Variants in NOS1AP observed in about 807,000 individuals in gnomAD.
The protein encoded by NOS1AP is nitric oxide synthase 1 adaptor protein.
A neutral mutation model predicts 56.2 loss-of-function variants in NOS1AP; 21 were observed. The ratio of observed to expected loss-of-function variants is 0.37; its 90% CI spans 0.26 to 0.54. The LOEUF (loss-of-function observed/expected upper bound fraction) is 0.54, where lower values mean the gene tolerates loss of function less well. Among genes scored for constraint, NOS1AP ranks in the 20% least tolerant of loss-of-function variants. The pLI, the probability that NOS1AP is intolerant of heterozygous loss-of-function variation, is 0.84. For synonymous variants in NOS1AP, 270 were observed against 274.6 expected (o/e 0.98, Z 0.17); for missense variants, 522 against 657.8 (o/e 0.79, Z 2.26).
At chr1:162,137,902 T>C (rs1360719604) in intron 1 of NOS1AP, among the ~76,000 whole-genome samples, 2 of 152,006 alleles carry the variant, frequency 1.3e-5, no homozygotes, top group Non-Finnish European at 2.9e-5. Context: ...AAGCAAGCGG[T>C]GATTGGCTTG....
chr1:162,186,326 T>C (rs977670929), intron 2 of NOS1AP, among the ~76,000 whole-genome samples: 2 of 152,044 alleles, frequency 1.3e-5, no homozygotes, highest in African/African-American at 4.8e-5. Flanking sequence ...TGTTAAACAG[T>C]AATTTCTGTT....
At chr1:162,123,211 A>C (rs1392701429) in intron 1 of NOS1AP, among the ~76,000 whole-genome samples, 1 of 152,224 alleles carries the variant, frequency 6.6e-6, no homozygotes, top group African/African-American at 2.4e-5. Context: ...CAAAGCTACT[A>C]ACATAGTATA....
intron 2 of NOS1AP, among the ~76,000 whole-genome samples, chr1:162,269,117 A>G (rs531119372): frequency 1.3e-5 from 2 of 152,328 alleles, no homozygotes; most frequent in South Asian, 4.1e-4. Context: ...TAGCTGTGCT[A>G]TTGCATTTCT....
intron 2 of NOS1AP, among the ~76,000 whole-genome samples, chr1:162,171,156 G>A (rs1650761247): frequency 6.6e-6 from 1 of 152,108 alleles, no homozygotes; most frequent in African/African-American, 2.4e-5. Flanking sequence ...TACTCCAAGT[G>A]TGACTCAAGG....
intron 2 of NOS1AP, among the ~76,000 whole-genome samples, chr1:162,225,225 G>A (rs764389074): frequency 6.6e-6 from 1 of 152,134 alleles, no homozygotes; most frequent in Non-Finnish European, 1.5e-5. Flanking sequence ...ACGAGTTTTG[G>A]GTAGCTCTCA....
Position 162,359,719 on chromosome 1 carries a change from C to CG in NOS1AP, c.939+2592dup, listed in dbSNP as rs5778269. On this transcript the variant is annotated intron_variant, in intron 8 of 9. Transcript: ENST00000361897. Reference sequence around the variant, plus strand: ...GTATAGCAAGCTTGGTTTCTCTACGCGGGGGGGGGCTGATTTCAGTTTCCA... The same window carrying CG: ...GTATAGCAAGCTTGGTTTCTCTACGCGGGGGGGGGGCTGATTTCAGTTTCCA... Among the ~76,000 whole-genome samples, 819 of 149,090 alleles carry CG rather than the reference C, an allele frequency of 5.5e-3. 5 individuals carry two copies. Among genetic ancestry groups the CG allele is most frequent in the Middle Eastern group, 0.017 (5 of 292 alleles).
At chr1:162,170,874 G>A (rs950346135) in intron 2 of NOS1AP, among the ~76,000 whole-genome samples, 4 of 151,432 alleles carry the variant, frequency 2.6e-5, no homozygotes, top group African/African-American at 4.9e-5. Context: ...GGGAGGCGGA[G>A]GTTGCAGTGA....
intron 2 of NOS1AP, among the ~76,000 whole-genome samples, chr1:162,191,870 A>G (rs957737017): frequency 1.3e-5 from 2 of 152,220 alleles, no homozygotes; most frequent in African/African-American, 2.4e-5. Flanking sequence ...AGAATTAGAT[A>G]ATAAATGCCA....
chr1:162,090,490 A>G (rs1054737411), intron 1 of NOS1AP, among the ~76,000 whole-genome samples: 20 of 152,144 alleles, frequency 1.3e-4, no homozygotes, highest in African/African-American at 4.8e-4. Context: ...TTTCCAGGAA[A>G]GTTTTCACAG....
At chr1:162,309,748 T>C (rs1655963783) in intron 4 of NOS1AP, among the ~76,000 whole-genome samples, 1 of 152,182 alleles carries the variant, frequency 6.6e-6, no homozygotes, top group African/African-American at 2.4e-5. Flanking sequence ...AATTACAACT[T>C]AATAGTGAGA....
At chr1:162,091,041 GAAATGGAGATTTAAAAATCT>G (rs34692093) in intron 1 of NOS1AP, among the ~76,000 whole-genome samples, 94,488 of 151,938 alleles carry the variant, frequency 0.62, 29,751 homozygotes, top group Non-Finnish European at 0.67. Context: ...ACTGCACAGA[GAAATGGAGATTTAAAAATCT>G]CTTGTTTTCA....
intron 4 of NOS1AP, among the ~76,000 whole-genome samples, chr1:162,310,479 C>T (rs1305505138): frequency 6.6e-6 from 1 of 152,224 alleles, no homozygotes; most frequent in Admixed American, 6.5e-5. Context: ...TGGGCCAGCC[C>T]ATCTGGCGGA....
intron 1 of NOS1AP, among the ~76,000 whole-genome samples, chr1:162,097,638 T>C (rs1057013627): frequency 1.3e-5 from 2 of 152,252 alleles, no homozygotes; most frequent in African/African-American, 4.8e-5. Context: ...TCACCACTTT[T>C]ACCATGTTGT....
intron 4 of NOS1AP, among the ~76,000 whole-genome samples, chr1:162,329,173 A>G (rs1656685684): frequency 6.6e-6 from 1 of 152,344 alleles, no homozygotes; most frequent in East Asian, 1.9e-4. Flanking sequence ...ACTGTGTAAA[A>G]GCATAACAGT....
At chr1:162,292,544 C>T (rs1279852473) in intron 3 of NOS1AP, among the ~76,000 whole-genome samples, 1 of 152,218 alleles carries the variant, frequency 6.6e-6, no homozygotes, top group East Asian at 1.9e-4. Context: ...CTGAATCTCA[C>T]ATCCTATCAG....
intron 1 of NOS1AP, among the ~76,000 whole-genome samples, chr1:162,141,763 G>GA (rs964001153): frequency 1.3e-5 from 2 of 152,142 alleles, no homozygotes; most frequent in African/African-American, 4.8e-5. Flanking sequence ...TACCTTATCT[G>GA]AAAAATCATT....
intron 1 of NOS1AP, among the ~76,000 whole-genome samples, chr1:162,075,905 G>A (rs1453693298): frequency 6.6e-6 from 1 of 152,076 alleles, no homozygotes; most frequent in Non-Finnish European, 1.5e-5. Flanking sequence ...CTTGGGATTT[G>A]ATGGACAAAT....
intron 5 of NOS1AP, among the ~76,000 whole-genome samples, chr1:162,340,278 C>T (rs775426015): frequency 6.6e-6 from 1 of 152,102 alleles, no homozygotes; most frequent in Non-Finnish European, 1.5e-5. Flanking sequence ...GTATGCAGAT[C>T]TAGAACTCTT....
chr1:162,201,951 A>T (rs1272364001), intron 2 of NOS1AP, among the ~76,000 whole-genome samples: 3 of 152,192 alleles, frequency 2.0e-5, no homozygotes, highest in Non-Finnish European at 2.9e-5. Flanking sequence ...CTTAAAAGGG[A>T]TAACACATTG....
Sources: gnomAD v4.1 joint callset for allele counts (sites outside exome capture counted in the v4.1 genomes callset) on GRCh38, gnomAD v4.1.1 for gene constraint, MANE v1.5 for transcripts, NCBI Gene and HGNC (gene_info 2026-07-23, HGNC 2026-07-21) for gene names.